Variants in ERBB4 observed in about 807,000 individuals in gnomAD.
ERBB4 encodes erb-b2 receptor tyrosine kinase 4.
A neutral mutation model predicts 158.0 loss-of-function variants in ERBB4; 42 were observed. The observed-to-expected ratio is 0.27, with a 90% CI of 0.21 to 0.34. The LOEUF (loss-of-function observed/expected upper bound fraction) is 0.34. Ranked by LOEUF, ERBB4 falls within the 10% of genes least tolerant of loss-of-function variation. The probability of loss-of-function intolerance (pLI) is 1.00; values close to 1 mark genes in which losing one functional copy is unlikely to be tolerated. For missense variants in ERBB4, 1,333 were observed against 1,624.1 expected, an observed-to-expected ratio of 0.82 and a Z score of 3.08; for synonymous variants, 583 against 558.7, an observed-to-expected ratio of 1.04 and a Z score of -0.61.
rs1350164437 is a variant in ERBB4 at position 212,234,352 on chromosome 2, T to A, written c.83-109449A>T. 3.3e-5 allele frequency among the ~76,000 whole-genome samples: 5 copies of A among 152,188 alleles called. No homozygotes were observed. In the South Asian group the frequency reaches 8.3e-4, roughly 25 times the overall value. On this transcript the variant is annotated intron_variant, in intron 1 of 27. Coordinates refer to ENST00000342788, the MANE Select transcript of ERBB4 (RefSeq NM_005235.3). ...GCTGCATAGTATTCCATGGTGTATA[T>A]GTGTCACCTTTTCTTTATCCAGTCT...
At position 211,382,526 on chromosome 2, in the gene ERBB4, T is replaced by TTAAG; in HGVS notation, c.*1085_*1088dup. The TTAAG allele has an allele frequency of 4.3e-6, 1 of 232,916 alleles. No homozygotes were observed. Among genetic ancestry groups the TTAAG allele is most frequent in the Non-Finnish European group, 8.5e-6 (1 of 117,568 alleles). 14.4% of individuals were successfully genotyped at this position (232,916 alleles called of 1,614,324 possible). On this transcript the variant is annotated 3_prime_UTR_variant, in exon 28 of 28. Transcript: ENST00000342788. ...GAAAAAGAACAAATAAAATTACAGC[T>TTAAG]TAAGTGCAAACTACATTTCTGAGTA... is the stretch of plus-strand genomic sequence containing the variant.
intron 1 of ERBB4, among the ~76,000 whole-genome samples, chr2:212,349,109 T>A (rs1032741906): frequency 6.6e-6 from 1 of 152,094 alleles, no homozygotes; most frequent in African/African-American, 2.4e-5. Context: ...TATCATGAGG[T>A]GATATGTCAC....
chr2:211,929,588 G>A (rs756171642), intron 3 of ERBB4, among the ~76,000 whole-genome samples: 1 of 151,944 alleles, frequency 6.6e-6, no homozygotes, highest in Non-Finnish European at 1.5e-5. Context: ...AACACATATG[G>A]ATTACTCATT....
chr2:211,703,766 C>T (rs889344446), intron 11 of ERBB4, among the ~76,000 whole-genome samples: 1 of 152,114 alleles, frequency 6.6e-6, no homozygotes, highest in African/African-American at 2.4e-5. Flanking sequence ...ATCCTATACA[C>T]CCAAGCTATT....
intron 7 of ERBB4, among the ~76,000 whole-genome samples, chr2:211,721,486 T>C (rs1323121355): frequency 8.3e-6 from 1 of 121,100 alleles, no homozygotes; most frequent in Non-Finnish European, 1.6e-5. Flanking sequence ...TAAATATCAA[T>C]ATATTATCCT....
chr2:211,951,378 T>C (rs766659450), intron 2 of ERBB4, among the ~76,000 whole-genome samples: 8 of 152,192 alleles, frequency 5.3e-5, no homozygotes, highest in Non-Finnish European at 1.2e-4. Flanking sequence ...CTGCAAATAA[T>C]CTGCAAATAA....
intron 2 of ERBB4, among the ~76,000 whole-genome samples, chr2:212,120,015 G>A (rs2079697933): frequency 6.6e-6 from 1 of 152,138 alleles, no homozygotes; most frequent in African/African-American, 2.4e-5. Flanking sequence ...AGTTTAAGGG[G>A]AAAAGGGGGA....
chr2:212,191,970 T>C (rs1405048505), intron 1 of ERBB4, among the ~76,000 whole-genome samples: 2 of 106,450 alleles, frequency 1.9e-5, no homozygotes, highest in South Asian at 3.1e-4. Flanking sequence ...ATATATGTTA[T>C]ATGTTATATA....
chr2:212,340,641 C>T (rs906910647), intron 1 of ERBB4, among the ~76,000 whole-genome samples: 1 of 152,128 alleles, frequency 6.6e-6, no homozygotes, highest in Non-Finnish European at 1.5e-5. Flanking sequence ...GACAGGTAGG[C>T]AGTCTCACTA....
intron 20 of ERBB4, among the ~76,000 whole-genome samples, chr2:211,464,720 C>T (rs2064629636): frequency 6.6e-6 from 1 of 152,028 alleles, no homozygotes; most frequent in East Asian, 1.9e-4. Flanking sequence ...TTATACACTA[C>T]TAAATAAATA....
At chr2:211,860,053 A>T (rs1214826083) in intron 3 of ERBB4, among the ~76,000 whole-genome samples, 1 of 152,200 alleles carries the variant, frequency 6.6e-6, no homozygotes, top group African/African-American at 2.4e-5. Flanking sequence ...ATACGCCAAA[A>T]CATCTCTTGT....
chr2:212,235,236 C>G (rs1227277988), intron 1 of ERBB4, among the ~76,000 whole-genome samples: 1 of 152,164 alleles, frequency 6.6e-6, no homozygotes, highest in Non-Finnish European at 1.5e-5. Flanking sequence ...ATAGGGAATC[C>G]TTTCCCCATT....
At position 211,652,973 on chromosome 2, in the gene ERBB4, CA is replaced by C. The variant is rs375904274; in HGVS notation, c.1946+4780del. On this transcript the variant is annotated intron_variant, in intron 16 of 27. Coordinates refer to ENST00000342788, the MANE Select transcript of ERBB4 (RefSeq NM_005235.3). ...AGATTAAAAGAAATAAACAAACAAA[CA>C]AAAAAAAATCTTTGGATATATATTT... Among the ~76,000 whole-genome samples the C allele has an allele frequency of 5.2e-3, 777 of 149,854 alleles. 2 individuals are homozygous for C. Among genetic ancestry groups the C allele is most frequent in the South Asian group, 0.017 (83 of 4,756 alleles).
chr2:212,133,396 G>GTTTTTTTTTTTTTTTTTTTTT (rs575131971), intron 1 of ERBB4, among the ~76,000 whole-genome samples: 1 of 137,138 alleles, frequency 7.3e-6, no homozygotes, highest in African/African-American at 3.0e-5. Flanking sequence ...TCATTTTGGT[G>GTTTTTTTTTTTTTTTTTTTTT]TTTTTTTTTT....
chr2:212,008,636 C>T (rs1441052557), intron 2 of ERBB4, among the ~76,000 whole-genome samples: 3 of 152,062 alleles, frequency 2.0e-5, no homozygotes, highest in South Asian at 2.1e-4. Context: ...CATAAAACCA[C>T]ACATCTTAAA....
At chr2:212,115,004 C>T (rs1337650221) in intron 2 of ERBB4, among the ~76,000 whole-genome samples, 1 of 152,068 alleles carries the variant, frequency 6.6e-6, no homozygotes, top group Non-Finnish European at 1.5e-5. Context: ...GAAAGAGTAG[C>T]ACTAAATTAT....
At chr2:211,492,409 A>G (rs568435462) in intron 20 of ERBB4, among the ~76,000 whole-genome samples, 1 of 152,276 alleles carries the variant, frequency 6.6e-6, no homozygotes, top group Admixed American at 6.5e-5. Flanking sequence ...CTGTAAGATT[A>G]AGCTAATAAA....
chr2:212,093,621 T>C (rs1249427718), intron 2 of ERBB4, among the ~76,000 whole-genome samples: 1 of 152,218 alleles, frequency 6.6e-6, no homozygotes, highest in Non-Finnish European at 1.5e-5. Context: ...CTGTGAACTC[T>C]CAGCCAATTT....
intron 5 of ERBB4, among the ~76,000 whole-genome samples, chr2:211,749,010 G>A (rs1244420946): frequency 6.6e-6 from 1 of 152,078 alleles, no homozygotes; most frequent in African/African-American, 2.4e-5. Flanking sequence ...TTATTTAAAA[G>A]CCTGTTTAAG....
Sources: gnomAD v4.1 joint callset for allele counts (sites outside exome capture counted in the v4.1 genomes callset) on GRCh38, gnomAD v4.1.1 for gene constraint, MANE v1.5 for transcripts, NCBI Gene and HGNC (gene_info 2026-07-23, HGNC 2026-07-21) for gene names.